GLYATL1: variants seen among roughly 807,000 people sequenced by gnomAD.
GLYATL1 encodes glycine N-acyltransferase-like protein 1.
A neutral mutation model predicts 20.0 loss-of-function variants in GLYATL1; 15 were observed. The observed-to-expected ratio is 0.75, with a 90% confidence interval of 0.50 to 1.15. GLYATL1 has a LOEUF of 1.15. GLYATL1 is among the 50% of genes most tolerant of loss of function. The pLI, the probability that GLYATL1 is intolerant of heterozygous loss-of-function variation, is 0.00. For missense variants in GLYATL1, 380 were observed against 368.5 expected (o/e 1.03, Z -0.26); for synonymous variants, 151 against 131.5 (o/e 1.15, Z -1.01).
chr11:58,946,566 C>T (rs1161046158), intron 2 of GLYATL1, among the ~76,000 whole-genome samples: 5 of 152,048 alleles, frequency 3.3e-5, no homozygotes, highest in African/African-American at 4.8e-5. Flanking sequence ...CCAAAATGGC[C>T]GTAGGTTTGA....
intron 1 of GLYATL1, among the ~76,000 whole-genome samples, chr11:58,940,148 T>C (rs1429618787): frequency 6.6e-6 from 1 of 152,232 alleles, no homozygotes; most frequent in East Asian, 1.9e-4. Flanking sequence ...TGGAGTTCCA[T>C]GTATCCAGGC....
upstream of GLYATL1, among the ~76,000 whole-genome samples, chr11:58,937,439 A>G (rs982444331): frequency 1.3e-5 from 2 of 152,170 alleles, no homozygotes; most frequent in Non-Finnish European, 2.9e-5. Context: ...CTGGAGAGAA[A>G]AAAATTCCCC....
chr11:58,942,967 G>A (rs1856276118), intron 1 of GLYATL1, among the ~76,000 whole-genome samples: 1 of 152,116 alleles, frequency 6.6e-6, no homozygotes, highest in Non-Finnish European at 1.5e-5. Context: ...ATTGACCACT[G>A]GATTTAATAA....
At chr11:58,941,366 G>T (rs1015219777) in intron 1 of GLYATL1, among the ~76,000 whole-genome samples, 2 of 152,010 alleles carry the variant, frequency 1.3e-5, no homozygotes, top group Non-Finnish European at 2.9e-5. Flanking sequence ...CAAAGGACAT[G>T]AACTCGTCAT....
At chr11:58,937,888 A>G (rs1855905604), upstream of GLYATL1, among the ~76,000 whole-genome samples, 1 of 152,162 alleles carries the variant, frequency 6.6e-6, no homozygotes, top group Admixed American at 6.5e-5. Flanking sequence ...GAGAGTACAC[A>G]GAGGGTGGGG....
rs576129455 is a variant in GLYATL1, at chr11:58,943,595, G to A, written c.-114G>A. The A allele has an allele frequency of 7.5e-5, 121 of 1,613,564 alleles. 2 individuals carry two copies. In the South Asian group the frequency reaches 1.0e-3, roughly 13 times the overall value. The stretch of plus-strand genomic sequence containing the variant: ...GAGCTTCTAGTATCCCCAGGAGCGC[G>A]AAGTGAACACGGAAGGTACCTGCAG... On this transcript the variant is annotated 5_prime_UTR_variant, in exon 2 of 7. Transcript: ENST00000532726.
chr11:58,905,577 C>A (rs767146401), exon 1 of GLYATL1: 1 of 456,188 alleles, frequency 2.2e-6, no homozygotes, highest in Non-Finnish European at 4.4e-6. Flanking sequence ...CCGGCTGCCG[C>A]GCAACCCCTC....
exon 2 of GLYATL1, chr11:58,907,761 C>T (rs901387047): frequency 5.3e-5 from 11 of 206,024 alleles, no homozygotes; most frequent in Non-Finnish European, 1.0e-5. Flanking sequence ...TATTCTTGAG[C>T]TTTGTTCCAG....
chr11:58,955,393 T>G (rs768231578), intron 6 of GLYATL1, 40 bp downstream of exon 6: 1 of 1,537,488 alleles, frequency 6.5e-7, no homozygotes, highest in Non-Finnish European at 8.9e-7. Context: ...TTGCGATTCC[T>G]TGTACATTTT....
At position 58,943,593 on chromosome 11, in the gene GLYATL1, G is replaced by T. The variant is rs559347392; in HGVS notation, c.-116G>T. The T allele has an allele frequency of 2.5e-6, 4 of 1,613,608 alleles. No individual in the cohort carries two copies. The South Asian group carries it at 4.4e-5, about 18-fold the overall frequency. On this transcript the variant is annotated 5_prime_UTR_variant, in exon 2 of 7. Transcript: ENST00000532726. ...TGGAGCTTCTAGTATCCCCAGGAGCGCGAAGTGAACACGGAAGGTACCTGC... is the reference window on the plus strand; with the variant it reads ...TGGAGCTTCTAGTATCCCCAGGAGCTCGAAGTGAACACGGAAGGTACCTGC...
intron 1 of GLYATL1, among the ~76,000 whole-genome samples, chr11:58,906,463 A>C (rs568428325): frequency 6.6e-6 from 1 of 152,244 alleles, no homozygotes; most frequent in Non-Finnish European, 1.5e-5. Flanking sequence ...GCTCCTGTTC[A>C]AAGTTCCTGG....
chr11:58,937,588 A>G (rs1363684248), upstream of GLYATL1, among the ~76,000 whole-genome samples: 1 of 152,190 alleles, frequency 6.6e-6, no homozygotes, highest in Non-Finnish European at 1.5e-5. Context: ...TTAGATTGAG[A>G]TAGAGTGATT....
chr11:58,952,582 C>T (rs975457138), intron 4 of GLYATL1, among the ~76,000 whole-genome samples: 5 of 152,136 alleles, frequency 3.3e-5, no homozygotes, highest in Middle Eastern at 3.4e-3. Context: ...TTTTTAAATA[C>T]GGGGGTACAT....
chr11:58,924,898 C>T (rs1380906824), upstream of GLYATL1, among the ~76,000 whole-genome samples: 1 of 152,162 alleles, frequency 6.6e-6, no homozygotes, highest in Admixed American at 6.5e-5. Context: ...AAGGCAGATT[C>T]AGAAGATGAG....
At chr11:58,935,322 T>TG (rs1338484488), upstream of GLYATL1, 2 of 152,282 alleles carry the variant, frequency 1.3e-5, no homozygotes, top group Admixed American at 6.5e-5. Context: ...GGCTCTGCGT[T>TG]GGAGTCCAAG....
At chr11:58,916,002 A>G (rs974956081) in intron 1 of GLYATL1, among the ~76,000 whole-genome samples, 1 of 152,264 alleles carries the variant, frequency 6.6e-6, no homozygotes, top group East Asian at 1.9e-4. Context: ...AGATAATTTG[A>G]TTTACCCTAT....
rs1176895706 is a variant in GLYATL1 at position 58,955,542 on chromosome 11, T to A, written c.492-68T>A. 9 of 1,526,818 alleles carry A rather than the reference T, an allele frequency of 5.9e-6. No individual in the cohort carries two copies. In the Admixed American group the frequency reaches 1.3e-4, roughly 23 times the overall value. The allele number at this position is 1,526,818 out of a possible 1,614,324, so 94.6% of individuals were successfully genotyped here. Reference sequence around the variant, plus strand: ...AAGAAGAGTTCCTGGGATCTCTAGATTGGGATGGCACCTAGAAATTACAGG... The same window carrying A: ...AAGAAGAGTTCCTGGGATCTCTAGAATGGGATGGCACCTAGAAATTACAGG... On this transcript the variant is annotated intron_variant, in intron 6 of 6. Coordinates refer to ENST00000532726, the MANE Select transcript of GLYATL1 (RefSeq NM_001389712.2).
downstream of GLYATL1, among the ~76,000 whole-genome samples, chr11:58,910,260 T>C (rs533878537): frequency 4.6e-5 from 7 of 152,198 alleles, no homozygotes; most frequent in Non-Finnish European, 1.0e-4. Context: ...GATTTTCTTC[T>C]GTAAATAAAG....
exon 1 of GLYATL1, chr11:58,927,756 A>T (rs1176884911): frequency 1.3e-5 from 2 of 152,170 alleles, no homozygotes; most frequent in African/African-American, 2.4e-5. Context: ...CTTTTAATTC[A>T]GCCTGCTTAA....
Sources: allele counts gnomAD v4.1 joint callset (sites outside exome capture counted in the v4.1 genomes callset), GRCh38; gene constraint gnomAD v4.1.1; transcripts MANE v1.5; gene names NCBI Gene and HGNC (gene_info 2026-07-23, HGNC 2026-07-21).